TENM2: variants seen among roughly 807,000 people sequenced by gnomAD.
TENM2 encodes teneurin transmembrane protein 2, also known as teneurin-2.
Under a neutral mutation model 245.2 loss-of-function variants are expected in TENM2, and 52 were observed. The observed-to-expected ratio is 0.21, with a 90% CI of 0.17 to 0.27. The LOEUF (loss-of-function observed/expected upper bound fraction) is 0.27. Among genes scored for constraint, TENM2 ranks in the 10% least tolerant of loss-of-function variants. The pLI, the probability that TENM2 is intolerant of heterozygous loss-of-function variation, is 1.00. For missense variants in TENM2, 3,046 were observed against 3,666.8 expected (o/e 0.83, Z 4.37); for synonymous variants, 1,363 against 1,438.9 (o/e 0.95, Z 1.19).
rs188801959 is a variant in TENM2, at chr5:167,751,164, G to T, written c.503-124822G>T. ...AAATACATGGTAGGAACTGGGCAAG[G>T]ACCAGACCTTACAAGGTTTCATGGA... On this transcript the variant is annotated intron_variant, in intron 2 of 28. Coordinates refer to ENST00000518659, the Ensembl canonical transcript of TENM2. Among the ~76,000 whole-genome samples, 4 of 152,214 alleles carry T rather than the reference G, an allele frequency of 2.6e-5. No homozygotes were observed. In the East Asian group the frequency reaches 7.7e-4, roughly 29 times the overall value.
intron 9 of TENM2, among the ~76,000 whole-genome samples, chr5:168,106,257 AC>A (rs1794231473): frequency 1.3e-5 from 2 of 152,198 alleles, no homozygotes; most frequent in South Asian, 4.1e-4. Flanking sequence ...AAAGAAAAAA[AC>A]AGGAATCTTG....
At chr5:166,985,969 A>G in the TENM2 span, among the ~76,000 whole-genome samples, 1 of 152,202 alleles carries the variant, frequency 6.6e-6, no homozygotes, top group East Asian at 1.9e-4. Flanking sequence ...TCTTTGCAAT[A>G]AATAATGATT....
intron 7 of TENM2, among the ~76,000 whole-genome samples, chr5:168,067,538 G>A (rs1047532220): frequency 1.3e-5 from 2 of 152,174 alleles, no homozygotes; most frequent in African/African-American, 4.8e-5. Context: ...GTGATTAGTG[G>A]TATTAGTCTT....
At chr5:167,678,847 C>T (rs1013264086) in intron 2 of TENM2, among the ~76,000 whole-genome samples, 15 of 151,990 alleles carry the variant, frequency 9.9e-5, no homozygotes, top group African/African-American at 3.6e-4. Flanking sequence ...TTGTATTTTC[C>T]CTCAAAGAAT....
rs148594194 is a variant in TENM2 at position 167,757,925 on chromosome 5, G to T, written c.503-118061G>T. On this transcript the variant is annotated intron_variant, in intron 2 of 28. Transcript: ENST00000518659. ...GTTGGAACAATTTTAATATTCTGAAGTCTTTTTCTTAGAGCATTCAAGTAT... is the reference window on the plus strand; with the variant it reads ...GTTGGAACAATTTTAATATTCTGAATTCTTTTTCTTAGAGCATTCAAGTAT... 6.2e-3 allele frequency among the ~76,000 whole-genome samples: 948 copies of T among 152,296 alleles called. 12 individuals are homozygous for T. The highest frequency in any genetic ancestry group is 0.022 in the African/African-American group (906 of 41,570).
chr5:167,788,537 AAAG>A (rs1267917632), intron 2 of TENM2, among the ~76,000 whole-genome samples: 1 of 152,234 alleles, frequency 6.6e-6, no homozygotes, highest in Admixed American at 6.5e-5. Context: ...GTGAAATGCC[AAAG>A]AAGATCTCAG....
At chr5:167,913,832 A>T (rs1312112228) in intron 3 of TENM2, among the ~76,000 whole-genome samples, 1 of 152,208 alleles carries the variant, frequency 6.6e-6, no homozygotes, top group Non-Finnish European at 1.5e-5. Context: ...AACTTAGGTG[A>T]AGTTATTTAA....
chr5:167,265,939 G>A, the TENM2 span, among the ~76,000 whole-genome samples: 10 of 151,876 alleles, frequency 6.6e-5, no homozygotes, highest in African/African-American at 2.2e-4. Flanking sequence ...AAGTGGTCTC[G>A]CTCATGAAAC....
intron 27 of TENM2, 112 bp from the exon 30 acceptor site, chr5:168,260,171 C>G: frequency 8.8e-7 from 1 of 1,132,104 alleles, no homozygotes; most frequent in Non-Finnish European, 1.3e-6. Flanking sequence ...TCCTCCCTCC[C>G]CTTTGGGCCC....
At chr5:167,202,550 C>T in the TENM2 span, among the ~76,000 whole-genome samples, 1 of 152,290 alleles carries the variant, frequency 6.6e-6, no homozygotes, top group East Asian at 1.9e-4. Flanking sequence ...TCTTCATTTG[C>T]TGGTTTCCTT....
At chr5:167,004,265 T>C in the TENM2 span, among the ~76,000 whole-genome samples, 1 of 152,316 alleles carries the variant, frequency 6.6e-6, no homozygotes, top group African/African-American at 2.4e-5. Flanking sequence ...TATTTTTACA[T>C]CTCATTGGAA....
At chr5:167,319,710 A>G (rs1470070369) in intron 1 of TENM2, among the ~76,000 whole-genome samples, 1 of 152,232 alleles carries the variant, frequency 6.6e-6, no homozygotes, top group Non-Finnish European at 1.5e-5. Flanking sequence ...CTGCTATGCC[A>G]TGTGGCTTTC....
At position 167,776,557 on chromosome 5, in the gene TENM2, T is replaced by C. The variant is rs1763791171; in HGVS notation, c.503-99429T>C. Among the ~76,000 whole-genome samples the C allele has an allele frequency of 2.6e-5, 3 of 114,656 alleles. No individual in the cohort carries two copies. In the South Asian group the frequency reaches 9.2e-4, roughly 35 times the overall value. 75.2% of individuals were successfully genotyped at this position (114,656 alleles called of 152,430 possible). On this transcript the variant is annotated intron_variant, in intron 2 of 28. Transcript: ENST00000518659. ...CTGCAGTTAGCCATGGTCGCACCAC[T>C]GCACTCCAGCTTGGGCAGCAGATGA...
intron 2 of TENM2, among the ~76,000 whole-genome samples, chr5:167,868,986 G>A (rs1393369723): frequency 6.6e-6 from 1 of 152,248 alleles, no homozygotes; most frequent in East Asian, 1.9e-4. Context: ...ACAACAACAT[G>A]TAGAGTAGCT....
At chr5:167,386,290 GT>G (rs1182650029) in intron 2 of TENM2, among the ~76,000 whole-genome samples, 2 of 152,068 alleles carry the variant, frequency 1.3e-5, no homozygotes, top group Non-Finnish European at 2.9e-5. Context: ...TTTTTCATAT[GT>G]TTGTTGGCCA....
chr5:167,757,966 T>C, intron 2 of TENM2, among the ~76,000 whole-genome samples: 1 of 152,228 alleles, frequency 6.6e-6, no homozygotes, highest in Non-Finnish European at 1.5e-5. Flanking sequence ...GGTTACCCTG[T>C]GGCATGGACA....
At chr5:167,606,249 T>G (rs1777032848) in intron 2 of TENM2, among the ~76,000 whole-genome samples, 1 of 152,154 alleles carries the variant, frequency 6.6e-6, no homozygotes, top group Non-Finnish European at 1.5e-5. Flanking sequence ...GATCATAGAC[T>G]GGGTGGTTCA....
intron 2 of TENM2, among the ~76,000 whole-genome samples, chr5:167,459,927 C>CAT (rs1460442551): frequency 1.3e-5 from 2 of 151,482 alleles, no homozygotes; most frequent in African/African-American, 2.4e-5. Context: ...CACACACACA[C>CAT]ACACACACGC....
chr5:167,050,646 T>C, the TENM2 span, among the ~76,000 whole-genome samples: 44 of 152,256 alleles, frequency 2.9e-4, no homozygotes, highest in African/African-American at 1.1e-3. Context: ...GAGGTCATTA[T>C]AGGAATCCAG....
Sources: allele counts gnomAD v4.1 joint callset (sites outside exome capture counted in the v4.1 genomes callset), GRCh38; gene constraint gnomAD v4.1.1; transcripts MANE v1.5; gene names NCBI Gene and HGNC (gene_info 2026-07-23, HGNC 2026-07-21).